The following MREG variants were observed in gnomAD, a reference collection of about 807,000 sequenced individuals.
The protein encoded by MREG is dilute suppressor protein homolog.
In MREG, 31 loss-of-function variants were observed where a neutral mutation model predicts 28.5. That is an observed-to-expected ratio of 1.09 (90% CI 0.82 to 1.47). The LOEUF (loss-of-function observed/expected upper bound fraction) is 1.47. Among genes scored for constraint, MREG ranks in the 40% most tolerant of loss-of-function variants. The pLI is 0.00. For synonymous variants in MREG, 106 were observed against 95.2 expected, an observed-to-expected ratio of 1.11 and a Z score of -0.66; for missense variants, 256 against 257.4, an observed-to-expected ratio of 0.99 and a Z score of 0.04.
intron 2 of MREG, among the ~76,000 whole-genome samples, chr2:215,948,080 A>C (rs1692366949): frequency 6.6e-6 from 1 of 152,242 alleles, no homozygotes; most frequent in Non-Finnish European, 1.5e-5. Context: ...TTTAGGACTC[A>C]AGTTATATGA....
At chr2:215,942,424 T>C (rs1214938706), downstream of MREG, among the ~76,000 whole-genome samples, 2 of 152,200 alleles carry the variant, frequency 1.3e-5, no homozygotes, top group African/African-American at 4.8e-5. Flanking sequence ...TGCACTGCCA[T>C]GTCCACTGGA....
intron 1 of MREG, among the ~76,000 whole-genome samples, chr2:216,003,296 C>T (rs1422319080): frequency 6.6e-6 from 1 of 152,122 alleles, no homozygotes. Flanking sequence ...TGATGTGCTC[C>T]TACCATTTGG....
chr2:216,031,469 A>G lies in MREG; in HGVS notation c.-68+1320T>C, dbSNP rs146330439. 2.8e-3 allele frequency among the ~76,000 whole-genome samples: 349 copies of G among 126,670 alleles called. 1 individual carries two copies. The highest frequency in any genetic ancestry group is 9.9e-3 in the African/African-American group (325 of 32,840). The allele number at this position is 126,670 out of a possible 152,430, so 83.1% of individuals were successfully genotyped here. On this transcript the variant is annotated intron_variant, in intron 1 of 3. Transcript: ENST00000420348. ...AAAGAAAGAAAGAGAGAAAGAAAGA[A>G]AGAAAGAGAAAGAAAGAAAGAAAGA...
chr2:216,016,526 T>G (rs1694451617), upstream of MREG, among the ~76,000 whole-genome samples: 4 of 152,232 alleles, frequency 2.6e-5, no homozygotes, highest in Admixed American at 2.6e-4. Flanking sequence ...TAACTTTGAT[T>G]TTTAAACATG....
intron 3 of MREG, among the ~76,000 whole-genome samples, chr2:215,946,088 C>A (rs1692311662): frequency 6.6e-6 from 1 of 152,040 alleles, no homozygotes; most frequent in Admixed American, 6.6e-5. Context: ...CTACCTGCCT[C>A]CCAGCCTGCA....
At chr2:215,945,366 G>A (rs767428194) in intron 4 of MREG, among the ~76,000 whole-genome samples, 9 of 152,154 alleles carry the variant, frequency 5.9e-5, no homozygotes, top group Non-Finnish European at 7.4e-5. Flanking sequence ...GTAGGTCTAC[G>A]TGTGATACAG....
intron 2 of MREG, among the ~76,000 whole-genome samples, chr2:215,982,459 TGAACA>T (rs531515176): frequency 6.6e-4 from 100 of 152,282 alleles, no homozygotes; most frequent in East Asian, 5.2e-3. Context: ...CACAGACCGA[TGAACA>T]GAACATCTTC....
At chr2:215,964,754 C>T (rs1016968989) in intron 2 of MREG, among the ~76,000 whole-genome samples, 1 of 152,084 alleles carries the variant, frequency 6.6e-6, no homozygotes, top group Non-Finnish European at 1.5e-5. Flanking sequence ...TCTGTGAAAA[C>T]TATTTGTCAG....
chr2:215,944,998 C>A lies in MREG; in HGVS notation c.511-1G>T. On this transcript the variant is annotated splice_acceptor_variant, in intron 4 of 4. Transcript: ENST00000263268. LOFTEE classifies it high-confidence loss of function. ...CAGCATCAAGTGCAATGAGACGGTC[C>A]TGCAAAAACAAACAACAAACCAAAA... The A allele has an allele frequency of 6.4e-7, 1 of 1,568,252 alleles. No individual in the cohort carries two copies. The highest frequency in any genetic ancestry group is 8.7e-7 in the Non-Finnish European group (1 of 1,145,324).
intron 1 of MREG, among the ~76,000 whole-genome samples, chr2:216,021,590 C>T (rs1694522176): frequency 6.6e-6 from 1 of 152,158 alleles, no homozygotes; most frequent in African/African-American, 2.4e-5. Context: ...CCCTCTCACC[C>T]TAGTCACCCC....
At chr2:216,030,725 C>CTTTTTT (rs549744417) in intron 1 of MREG, among the ~76,000 whole-genome samples, 1 of 145,024 alleles carries the variant, frequency 6.9e-6, no homozygotes. Flanking sequence ...GTATTTCTTT[C>CTTTTTT]TTTCTTTTTT....
At chr2:216,033,804 T>C (rs1187649441), upstream of MREG, 1 of 152,364 alleles carries the variant, frequency 6.6e-6, no homozygotes, top group East Asian at 1.9e-4. Flanking sequence ...CTCACTAGAC[T>C]GAGCCACGGC....
intron 2 of MREG, among the ~76,000 whole-genome samples, chr2:215,993,974 T>C (rs943371050): frequency 2.8e-4 from 43 of 152,162 alleles, no homozygotes; most frequent in African/African-American, 9.2e-4. Flanking sequence ...GGAGTGTAAA[T>C]TAGTTCAACC....
intron 2 of MREG, among the ~76,000 whole-genome samples, chr2:215,949,075 CTACTACTACTACTAATAA>C (rs1304241598): frequency 1.8e-4 from 18 of 102,506 alleles, no homozygotes; most frequent in African/African-American, 6.1e-4. Context: ...ACTACTACTA[CTACTACTACTACTAATAA>C]TAATAATAAT....
intron 1 of MREG, among the ~76,000 whole-genome samples, chr2:216,012,273 T>C (rs1694334630): frequency 6.6e-6 from 1 of 152,150 alleles, no homozygotes; most frequent in Non-Finnish European, 1.5e-5. Context: ...CACTGTTTAA[T>C]GTACTGGAAA....
rs553708975 is a variant in MREG at position 215,997,167 on chromosome 2, T to C, written c.96-702A>G. On this transcript the variant is annotated intron_variant, in intron 1 of 4. Coordinates refer to ENST00000263268, the MANE Select transcript of MREG (RefSeq NM_018000.3). ...GACTGGCTCTGAGTTCAAGGAAGCA[T>C]AGTAAACTTGGAGTACAATGATATA... 2.6e-5 allele frequency among the ~76,000 whole-genome samples: 4 copies of C among 152,332 alleles called. No homozygotes were observed. The East Asian group carries it at 7.7e-4, about 29-fold the overall frequency.
At position 215,966,758 on chromosome 2, in the gene MREG, C is replaced by T. The variant is rs1303791703; in HGVS notation, c.256-19645G>A. ...CTGGGATTATAGGCGTGTGCCACCA[C>T]GCCTGGCTAATTTTTGTATTTTTAG... On this transcript the variant is annotated intron_variant, in intron 2 of 4. Transcript: ENST00000263268. 4.6e-5 allele frequency among the ~76,000 whole-genome samples: 7 copies of T among 152,154 alleles called. No homozygotes were observed. The East Asian group carries it at 5.8e-4, about 13-fold the overall frequency.
chr2:216,030,322 A>G (rs1694661038), intron 1 of MREG, among the ~76,000 whole-genome samples: 1 of 152,164 alleles, frequency 6.6e-6, no homozygotes, highest in Non-Finnish European at 1.5e-5. Context: ...CTCTGAAGCC[A>G]AACTCCTTTG....
At chr2:216,018,935 A>G (rs1412785364) in intron 1 of MREG, among the ~76,000 whole-genome samples, 1 of 152,226 alleles carries the variant, frequency 6.6e-6, no homozygotes, top group Non-Finnish European at 1.5e-5. Context: ...GACCAAGATG[A>G]GCCAATCAAA....
Sources: gnomAD v4.1 joint callset for allele counts (sites outside exome capture counted in the v4.1 genomes callset) on GRCh38, gnomAD v4.1.1 for gene constraint, MANE v1.5 for transcripts, NCBI Gene and HGNC (gene_info 2026-07-23, HGNC 2026-07-21) for gene names.